Variants in LHFPL4 observed in about 807,000 individuals in gnomAD.
LHFPL4 encodes LHFPL tetraspan subfamily member 4, also known as LHFPL tetraspan subfamily member 4 protein.
A neutral mutation model predicts 20.0 loss-of-function variants in LHFPL4; 6 were observed. That is an observed-to-expected ratio of 0.30 (90% CI 0.16 to 0.59). The LOEUF is 0.59. Among genes scored for constraint, LHFPL4 ranks in the 20% least tolerant of loss-of-function variants. The pLI, the probability that LHFPL4 is intolerant of heterozygous loss-of-function variation, is 0.88. For missense variants in LHFPL4, 215 were observed against 331.2 expected (o/e 0.65, Z 2.72); for synonymous variants, 129 against 143.8 (o/e 0.90, Z 0.74).
chr3:9,502,147 A>T lies in LHFPL4; in HGVS notation c.*64T>A, dbSNP rs1464845821. 8.6e-7 allele frequency: 1 copy of T among 1,157,294 alleles called. No homozygotes were observed. The highest frequency in any genetic ancestry group is 1.5e-5 in the African/African-American group (1 of 65,958). The allele number at this position is 1,157,294 out of a possible 1,614,324, so 71.7% of individuals were successfully genotyped here. ...CTTCCCTCAGAGCTTGAATGGAGTG[A>T]CGAGAGGGCAGAAGGCAGGACAAGC... is the stretch of plus-strand genomic sequence containing the variant. On this transcript the variant is annotated 3_prime_UTR_variant, in exon 4 of 4. Coordinates refer to ENST00000287585, the MANE Select transcript of LHFPL4 (RefSeq NM_198560.3).
Position 9,499,444 on chromosome 3 carries a change from G to C in LHFPL4, c.*2767C>G, listed in dbSNP as rs981780194. 2.6e-5 allele frequency: 4 copies of C among 152,710 alleles called. No homozygotes were observed. Among genetic ancestry groups the C allele is most frequent in the African/African-American group, 9.7e-5 (4 of 41,444 alleles). 9.5% of individuals were successfully genotyped at this position (152,710 alleles called of 1,614,324 possible). A position where few individuals can be genotyped will look rare whatever the true frequency, so the allele number is the denominator to read the frequency against. ...CGCAGACTTCAGCCCACACAACTCT[G>C]CCTTCCTGACTCCAAACTCCCTGGT... On this transcript the variant is annotated 3_prime_UTR_variant, in exon 4 of 4. Coordinates refer to ENST00000287585, the MANE Select transcript of LHFPL4 (RefSeq NM_198560.3).
At chr3:9,513,980 G>C (rs2046280252) in intron 2 of LHFPL4, among the ~76,000 whole-genome samples, 1 of 152,106 alleles carries the variant, frequency 6.6e-6, no homozygotes, top group Non-Finnish European at 1.5e-5. Context: ...ATGAATACAA[G>C]GGTGTTCGCT....
chr3:9,518,747 GT>G (rs1232418670), intron 2 of LHFPL4, among the ~76,000 whole-genome samples: 1 of 146,924 alleles, frequency 6.8e-6, no homozygotes, highest in African/African-American at 2.5e-5. Context: ...CTGTAGTGAT[GT>G]TTTTTTGTTC....
At chr3:9,547,676 A>G (rs1049157665) in intron 2 of LHFPL4, among the ~76,000 whole-genome samples, 1 of 152,260 alleles carries the variant, frequency 6.6e-6, no homozygotes, top group African/African-American at 2.4e-5. Context: ...AAAACGTAGC[A>G]GAGATATCCT....
chr3:9,530,807 G>C (rs1266833672), intron 2 of LHFPL4, among the ~76,000 whole-genome samples: 1 of 151,950 alleles, frequency 6.6e-6, no homozygotes, highest in Non-Finnish European at 1.5e-5. Flanking sequence ...ATGTTGCCCA[G>C]GCTGGTCTTG....
At chr3:9,527,021 G>T (rs1402831131) in intron 2 of LHFPL4, among the ~76,000 whole-genome samples, 1 of 151,890 alleles carries the variant, frequency 6.6e-6, no homozygotes, top group Non-Finnish European at 1.5e-5. Context: ...AAGAGAAGGA[G>T]GGAGGGAAGG....
chr3:9,526,404 C>T (rs1574846710), intron 2 of LHFPL4, among the ~76,000 whole-genome samples: 1 of 151,972 alleles, frequency 6.6e-6, no homozygotes. Context: ...TGTATTTTAC[C>T]ACAATAAGAA....
At chr3:9,518,604 A>G (rs2046318082) in intron 2 of LHFPL4, among the ~76,000 whole-genome samples, 1 of 151,990 alleles carries the variant, frequency 6.6e-6, no homozygotes, top group Non-Finnish European at 1.5e-5. Context: ...TATGTTGCCT[A>G]TTTCTTCTTG....
rs747773050 is a variant in LHFPL4 at position 9,505,948 on chromosome 3, C to G, written c.643+19G>C. 1 of 1,610,622 alleles carries G rather than the reference C, an allele frequency of 6.2e-7. No homozygotes were observed. The highest frequency in any genetic ancestry group is 1.1e-5 in the South Asian group (1 of 90,950). On this transcript the variant is annotated intron_variant, in intron 3 of 3. Coordinates refer to ENST00000287585, the MANE Select transcript of LHFPL4 (RefSeq NM_198560.3). ...AGGCCTGGCTCCCGCCGCTGCCCCC[C>G]AGCCCACAGCACACTCGCCTTTGTT...
chr3:9,536,727 T>C (rs1056565632), intron 2 of LHFPL4, among the ~76,000 whole-genome samples: 4 of 149,498 alleles, frequency 2.7e-5, no homozygotes, highest in Non-Finnish European at 5.9e-5. Context: ...TTTGGAAGAG[T>C]GAAATGGGAG....
rs978632127 is a variant in LHFPL4 at position 9,506,887 on chromosome 3, T to A, written c.407-684A>T. On this transcript the variant is annotated intron_variant, in intron 2 of 3. Coordinates refer to ENST00000287585, the MANE Select transcript of LHFPL4 (RefSeq NM_198560.3). This position sits in a 1 kb window ranked among gnomAD's most constrained non-coding sequence, Gnocchi z 4.5. Reference sequence around the variant, plus strand: ...TGAGCCACCACACCCGCCCTCATTGTTATTTTTTAAATTCTTGTCCTTCAC... The same window carrying A: ...TGAGCCACCACACCCGCCCTCATTGATATTTTTTAAATTCTTGTCCTTCAC... Among the ~76,000 whole-genome samples the A allele has an allele frequency of 5.9e-5, 9 of 152,220 alleles. No individual in the cohort carries two copies. Among genetic ancestry groups the A allele is most frequent in the East Asian group, 1.9e-4 (1 of 5,196 alleles).
chr3:9,523,867 C>T (rs879340266), intron 2 of LHFPL4, among the ~76,000 whole-genome samples: 14 of 152,096 alleles, frequency 9.2e-5, no homozygotes, highest in Non-Finnish European at 1.3e-4. Flanking sequence ...ACACTTCTTG[C>T]AAAGCAGGTC....
chr3:9,507,300 G>A (rs2125655620), intron 2 of LHFPL4, among the ~76,000 whole-genome samples: 1 of 152,264 alleles, frequency 6.6e-6, no homozygotes, highest in Non-Finnish European at 1.5e-5. Flanking sequence ...GTGGAGAGAG[G>A]TACGTAATAG....
At position 9,549,798 on chromosome 3, in the gene LHFPL4, A is replaced by T. The variant is rs111247646; in HGVS notation, c.406+2476T>A. Among the ~76,000 whole-genome samples the T allele has an allele frequency of 7.2e-5, 11 of 152,364 alleles. 1 individual carries two copies. Among genetic ancestry groups the T allele is most frequent in the African/African-American group, 2.2e-4 (9 of 41,598 alleles). ...CCTTTGATTCTCCACAGTTCCTCTG[A>T]GGATGACTGATTTATCACTTTCTGA... is the stretch of plus-strand genomic sequence containing the variant. On this transcript the variant is annotated intron_variant, in intron 2 of 3. Coordinates refer to ENST00000287585, the MANE Select transcript of LHFPL4 (RefSeq NM_198560.3).
chr3:9,536,918 C>CAA (rs34655189), intron 2 of LHFPL4, among the ~76,000 whole-genome samples: 5 of 99,000 alleles, frequency 5.1e-5, no homozygotes, highest in Admixed American at 1.1e-4. Context: ...GACTCTGTCT[C>CAA]AAAAAAAAAA....
In LHFPL4 at chr3:9,529,176, G is replaced by C. The variant is rs1051132107; in HGVS notation, c.407-22973C>G. ...CCCAAGTAGCTGGGACTACAGGTGC[G>C]TGCCACCACACCCAGCTAATTTTTG... On this transcript the variant is annotated intron_variant, in intron 2 of 3. Transcript: ENST00000287585. Among the ~76,000 whole-genome samples, 7 of 151,786 alleles carry C rather than the reference G, an allele frequency of 4.6e-5. No individual in the cohort carries two copies. The South Asian group carries it at 1.5e-3, about 32-fold the overall frequency.
intron 2 of LHFPL4, among the ~76,000 whole-genome samples, chr3:9,525,080 G>T (rs989869485): frequency 6.6e-6 from 1 of 152,152 alleles, no homozygotes. Context: ...GCCTCTCTCT[G>T]ATAATCCCAG....
chr3:9,509,555 A>G (rs1478650446), intron 2 of LHFPL4, among the ~76,000 whole-genome samples: 1 of 152,166 alleles, frequency 6.6e-6, no homozygotes, highest in African/African-American at 2.4e-5. Flanking sequence ...AATACAGCCA[A>G]CAAGTCAACA....
chr3:9,553,096 T>G (rs1311202852), intron 1 of LHFPL4, among the ~76,000 whole-genome samples: 3 of 150,820 alleles, frequency 2.0e-5, no homozygotes, highest in Non-Finnish European at 3.0e-5. Flanking sequence ...GGCTGGAGAC[T>G]GGTGTTGGAG....
Sources: allele counts gnomAD v4.1 joint callset (sites outside exome capture counted in the v4.1 genomes callset), GRCh38; gene constraint gnomAD v4.1.1; non-coding constraint Gnocchi (gnomAD v3.1); transcripts MANE v1.5; gene names NCBI Gene and HGNC (gene_info 2026-07-23, HGNC 2026-07-21).